The following NUP155 variants were observed in gnomAD, a reference collection of about 807,000 sequenced individuals.
The protein encoded by NUP155 is nucleoporin 155.
Under a neutral mutation model 180.4 loss-of-function variants are expected in NUP155, and 71 were observed. The ratio of observed to expected loss-of-function variants is 0.39; its 90% CI spans 0.33 to 0.48. The LOEUF (loss-of-function observed/expected upper bound fraction) is 0.48, where lower values mean the gene tolerates loss of function less well. Among genes scored for constraint, NUP155 ranks in the 20% least tolerant of loss-of-function variants. The pLI, the probability that NUP155 is intolerant of heterozygous loss-of-function variation, is 0.91. For missense variants in NUP155, 1,553 were observed against 1,648.9 expected, an observed-to-expected ratio of 0.94 and a Z score of 1.01; for synonymous variants, 582 against 559.5, an observed-to-expected ratio of 1.04 and a Z score of -0.57.
chr5:37,304,709 T>C, intron 27 of NUP155, 30 bp downstream of exon 27: 2 of 1,419,060 alleles, frequency 1.4e-6, no homozygotes, highest in Non-Finnish European at 2.0e-6. Flanking sequence ...TTAAGAATAA[T>C]TAACACAACT....
chr5:37,304,919 A>G, intron 26 of NUP155, 76 bp from the exon 27 acceptor site: 1 of 1,501,906 alleles, frequency 6.7e-7, no homozygotes, highest in Non-Finnish European at 9.3e-7. Context: ...AGCCCTATAA[A>G]CTCCAGTAAG....
chr5:37,291,896 G>C lies in NUP155; in HGVS notation c.*4C>G, dbSNP rs746190158. On this transcript the variant is annotated 3_prime_UTR_variant, in exon 35 of 35. Transcript: ENST00000231498. ...ATAAAACGGATGAAAGTATATCACA[G>C]TAATTAATGAAGCCGTTCTAATTTA... 1 of 1,613,384 alleles carries C rather than the reference G, an allele frequency of 6.2e-7. No homozygotes were observed.
intron 32 of NUP155, among the ~76,000 whole-genome samples, chr5:37,295,839 C>A (rs1340504537): frequency 6.9e-6 from 1 of 145,184 alleles, no homozygotes; most frequent in Admixed American, 6.8e-5. Flanking sequence ...AGTGAGGAGC[C>A]CCTCCGCCCG....
rs1747349170 is a variant in NUP155, at chr5:37,363,474, G to T, written c.392+414C>A. 2.6e-5 allele frequency among the ~76,000 whole-genome samples: 4 copies of T among 152,068 alleles called. No homozygotes were observed. In the South Asian group the frequency reaches 8.3e-4, roughly 32 times the overall value. On this transcript the variant is annotated intron_variant, in intron 3 of 34. Coordinates refer to ENST00000231498, the MANE Select transcript of NUP155 (RefSeq NM_153485.3). Reference sequence around the variant, plus strand: ...TTTCTATACATATAATTTACACACGGGTCAAATTCACAAAATGACAACAAA... The same window carrying T: ...TTTCTATACATATAATTTACACACGTGTCAAATTCACAAAATGACAACAAA...
chr5:37,362,883 AGTTTCAATTTT>A (rs1747311292), intron 3 of NUP155, among the ~76,000 whole-genome samples: 2 of 152,150 alleles, frequency 1.3e-5, no homozygotes, highest in South Asian at 4.1e-4. Context: ...GCTGTCATTT[AGTTTCAATTTT>A]GTTTCAATAA....
At chr5:37,366,596 G>A (rs1013550146) in intron 1 of NUP155, among the ~76,000 whole-genome samples, 21 of 151,326 alleles carry the variant, frequency 1.4e-4, no homozygotes, top group Admixed American at 1.4e-3. Context: ...GAGCCACCAC[G>A]CCCAGCTAAT....
chr5:37,294,617 C>A, intron 32 of NUP155, 152 bp from the exon 33 acceptor site: 1 of 710,458 alleles, frequency 1.4e-6, no homozygotes, highest in Admixed American at 2.3e-5. Context: ...CTATGTTGCC[C>A]AGACTAGAAA....
intron 12 of NUP155, among the ~76,000 whole-genome samples, chr5:37,336,671 A>G (rs556875030): frequency 2.7e-4 from 41 of 152,260 alleles, no homozygotes; most frequent in African/African-American, 9.9e-4. Context: ...CTGAATCCTC[A>G]TAGTTTATCA....
At chr5:37,344,628 C>T (rs34935552) in intron 9 of NUP155, among the ~76,000 whole-genome samples, 26,272 of 151,704 alleles carry the variant, frequency 0.17, 2,673 homozygotes, top group East Asian at 0.3. Context: ...AAGCCAGGCG[C>T]AGTGGCTCAC....
intron 12 of NUP155, among the ~76,000 whole-genome samples, chr5:37,334,259 C>T (rs549364057): frequency 4.3e-4 from 65 of 152,196 alleles, no homozygotes; most frequent in African/African-American, 1.5e-3. Context: ...AATGCTACCA[C>T]GGCCGCCTAA....
chr5:37,307,424 A>G lies in NUP155; in HGVS notation c.2776T>C (p.Tyr926His). The G allele has an allele frequency of 1.2e-6, 2 of 1,614,000 alleles. No homozygotes were observed. Among genetic ancestry groups the G allele is most frequent in the South Asian group, 1.1e-5 (1 of 91,086 alleles). Reference protein sequence around the residue: ...VCAQYRQVRFYEGVVELSLTA... With the variant: ...VCAQYRQVRFHEGVVELSLTA... The stretch of plus-strand genomic sequence containing the variant: ...AGAGAAAGTTCCACCACACCCTCAT[A>G]AAATCTCACTGATGGGAAAGAAAAG... The change falls in exon 25 of 35, where the codon TAT (tyrosine) becomes CAT (histidine). Residue 926 changes from tyrosine to histidine, a missense_variant. Physicochemically the swap from Tyr to His is moderately conservative, Grantham distance 83. Coordinates refer to ENST00000231498, the MANE Select transcript of NUP155 (RefSeq NM_153485.3).
At chr5:37,299,234 T>C (rs887803185) in intron 31 of NUP155, among the ~76,000 whole-genome samples, 8 of 152,198 alleles carry the variant, frequency 5.3e-5, no homozygotes, top group African/African-American at 1.9e-4. Context: ...TTAAATAACC[T>C]TTTCACTGAG....
chr5:37,364,016 G>A lies in NUP155; in HGVS notation c.296-32C>T, dbSNP rs778938108. On this transcript the variant is annotated intron_variant, in intron 2 of 34. Transcript: ENST00000231498. ...TAGTGTGGATGTAAGGCAGACAGAG[G>A]TGAATCTTATTCTTCTTTAACTTGT... 1.6e-5 allele frequency: 24 copies of A among 1,486,660 alleles called. No individual in the cohort carries two copies. The East Asian group carries it at 4.7e-4, about 29-fold the overall frequency. 92.1% of individuals were successfully genotyped at this position (1,486,660 alleles called of 1,614,324 possible). A position where few individuals can be genotyped will look rare whatever the true frequency, so the allele number is the denominator to read the frequency against.
rs60569168 is a variant in NUP155 at position 37,362,015 on chromosome 5, T to C, written c.392+1873A>G. On this transcript the variant is annotated intron_variant, in intron 3 of 34. Transcript: ENST00000231498. ...GTGAAAAGATAGCCATCTATGAACA[T>C]TGAAGTGGGCTTTCACCAGACCTTG... 6.2e-4 allele frequency among the ~76,000 whole-genome samples: 95 copies of C among 152,296 alleles called. 1 individual carries two copies. In the East Asian group the frequency reaches 0.015, roughly 24 times the overall value.
chr5:37,363,936 G>A lies in NUP155; in HGVS notation c.344C>T (p.Ala115Val). Residue 115 changes from alanine (A) to valine (V), a missense_variant, in exon 3 of 35, where the codon GCT becomes GTT. Coordinates refer to ENST00000231498, the MANE Select transcript of NUP155 (RefSeq NM_153485.3). ...TATATCACTGTCAATTGTGAGCCAAGCTCTGCTGATAGGAGGGAACACACC... is the reference window on the plus strand; with the variant it reads ...TATATCACTGTCAATTGTGAGCCAAACTCTGCTGATAGGAGGGAACACACC... ...MMGVFPPISR[A>V]WLTIDSDIFM... 1 of 1,613,898 alleles carries A rather than the reference G, an allele frequency of 6.2e-7. No individual in the cohort carries two copies. The highest frequency in any genetic ancestry group is 1.1e-5 in the South Asian group (1 of 91,080).
Position 37,308,815 on chromosome 5 carries a change from G to A in NUP155, c.2767+314C>T, listed in dbSNP as rs139007925. Among the ~76,000 whole-genome samples the A allele has an allele frequency of 8.9e-3, 1,330 of 149,414 alleles. 27 individuals carry two copies. Among genetic ancestry groups the A allele is most frequent in the African/African-American group, 0.032 (1,260 of 39,832 alleles). On this transcript the variant is annotated intron_variant, in intron 24 of 34. Coordinates refer to ENST00000231498, the MANE Select transcript of NUP155 (RefSeq NM_153485.3). ...GAATTGCTGGAACCTGGGAGGCAGA[G>A]GATGCAGTGAGCTGAGATCGTGCCA... is the stretch of plus-strand genomic sequence containing the variant.
rs1744803047 is a variant in NUP155, at chr5:37,329,264, G to A, written c.1739C>T (p.Ala580Val). Reference sequence around the variant, plus strand: ...AAGAGTGGTTGGAAATCTCATCTGTGCTTCACCACCATACCTATTTTTATG... The same window carrying A: ...AAGAGTGGTTGGAAATCTCATCTGTACTTCACCACCATACCTATTTTTATG... ...TRAFFRYGGE[A>V]QMRFPTTLPP... Residue 580 changes from alanine to valine, a missense_variant, in exon 16 of 35, where the codon GCA (alanine) becomes GTA (valine). Physicochemically the swap from Ala to Val is moderately conservative, Grantham distance 64 (BLOSUM62 0). Transcript: ENST00000231498. The A allele has an allele frequency of 1.2e-6, 2 of 1,613,500 alleles. No homozygotes were observed. The highest frequency in any genetic ancestry group is 2.2e-5 in the South Asian group (2 of 91,074).
intron 11 of NUP155, among the ~76,000 whole-genome samples, chr5:37,339,886 ACAAGAAG>A (rs1169982949): frequency 2.6e-5 from 4 of 152,018 alleles, no homozygotes; most frequent in African/African-American, 9.7e-5. Flanking sequence ...GCCTCAGCCC[ACAAGAAG>A]CTGTGACTAC....
intron 3 of NUP155, among the ~76,000 whole-genome samples, chr5:37,358,524 T>C (rs926000120): frequency 6.6e-6 from 1 of 152,052 alleles, no homozygotes; most frequent in African/African-American, 2.4e-5. Context: ...ATTATTATTA[T>C]TACTATTATT....
Sources: gnomAD v4.1 joint callset for allele counts (sites outside exome capture counted in the v4.1 genomes callset) on GRCh38, gnomAD v4.1.1 for gene constraint, MANE v1.5 for transcripts, NCBI Gene and HGNC (gene_info 2026-07-23, HGNC 2026-07-21) for gene names.